Variants in KATNIP observed in about 807,000 individuals in gnomAD.
KATNIP encodes the protein katanin interacting protein, also known as katanin-interacting protein.
A neutral mutation model predicts 174.0 loss-of-function variants in KATNIP; 126 were observed. The ratio of observed to expected loss-of-function variants is 0.72; its 90% CI spans 0.63 to 0.84. The LOEUF (loss-of-function observed/expected upper bound fraction) is 0.84, where lower values mean the gene tolerates loss of function less well. Among genes scored for constraint, KATNIP ranks in the 40% least tolerant of loss-of-function variants. KATNIP has a pLI of 0.00. For synonymous variants in KATNIP, 810 were observed against 835.7 expected (o/e 0.97, Z 0.53); for missense variants, 1,958 against 2,109.7 (o/e 0.93, Z 1.41).
At chr16:27,559,170 T>C (rs2089748949) in intron 1 of KATNIP, among the ~76,000 whole-genome samples, 1 of 152,194 alleles carries the variant, frequency 6.6e-6, no homozygotes, top group Non-Finnish European at 1.5e-5. Context: ...CAGAGCACTT[T>C]ATGTAAAAGT....
intron 8 of KATNIP, among the ~76,000 whole-genome samples, chr16:27,692,772 G>A (rs2078781717): frequency 1.3e-5 from 2 of 152,146 alleles, no homozygotes; most frequent in Non-Finnish European, 2.9e-5. Context: ...TCTGCTTTGT[G>A]ACTACAAGGT....
At chr16:27,766,034 T>C (rs2082109079) in intron 19 of KATNIP, among the ~76,000 whole-genome samples, 1 of 151,758 alleles carries the variant, frequency 6.6e-6, no homozygotes, top group Non-Finnish European at 1.5e-5. Flanking sequence ...TCATTTTCCC[T>C]TTTAAAAAAA....
chr16:27,682,682 G>T (rs1192790152), intron 8 of KATNIP, among the ~76,000 whole-genome samples: 2 of 152,114 alleles, frequency 1.3e-5, no homozygotes, highest in Non-Finnish European at 2.9e-5. Context: ...AGTGATGGGG[G>T]GCCATGGCTT....
intron 8 of KATNIP, among the ~76,000 whole-genome samples, chr16:27,684,339 T>C (rs2078449850): frequency 1.3e-5 from 2 of 152,166 alleles, no homozygotes; most frequent in African/African-American, 2.4e-5. Context: ...ATTACTCCAC[T>C]ATAAGCCCCT....
intron 2 of KATNIP, among the ~76,000 whole-genome samples, chr16:27,581,348 C>G (rs2090690520): frequency 6.6e-6 from 1 of 152,152 alleles, no homozygotes; most frequent in Non-Finnish European, 1.5e-5. Context: ...GGTGTGTGTT[C>G]TATTTAAATT....
chr16:27,723,297 C>T (rs956564035), intron 14 of KATNIP, among the ~76,000 whole-genome samples: 4 of 152,144 alleles, frequency 2.6e-5, no homozygotes, highest in African/African-American at 9.7e-5. Context: ...TCATGCCAGG[C>T]CTTGCCTCTC....
intron 24 of KATNIP, 130 bp downstream of exon 24, chr16:27,775,214 T>A: frequency 8.6e-7 from 1 of 1,162,854 alleles, no homozygotes; most frequent in Non-Finnish European, 1.2e-6. Flanking sequence ...TTGGGAGCTG[T>A]CAGAAAGGTT....
At chr16:27,592,818 T>C (rs1276887480) in intron 2 of KATNIP, among the ~76,000 whole-genome samples, 1 of 152,116 alleles carries the variant, frequency 6.6e-6, no homozygotes, top group Non-Finnish European at 1.5e-5. Flanking sequence ...ACCTCCCAAA[T>C]TGTTGGGATT....
At chr16:27,643,677 G>C (rs1399655411) in intron 5 of KATNIP, among the ~76,000 whole-genome samples, 2 of 151,028 alleles carry the variant, frequency 1.3e-5, no homozygotes, top group Admixed American at 6.6e-5. Context: ...ATGGCACGTA[G>C]TGTGAAAGCG....
At chr16:27,598,861 G>A (rs2075422515) in intron 2 of KATNIP, among the ~76,000 whole-genome samples, 1 of 152,168 alleles carries the variant, frequency 6.6e-6, no homozygotes. Context: ...TGCAGTTCAG[G>A]CTTTGGGGAG....
chr16:27,649,199 C>T lies in KATNIP; in HGVS notation c.540+464C>T, dbSNP rs367549710. 2.0e-4 allele frequency among the ~76,000 whole-genome samples: 31 copies of T among 152,350 alleles called. No individual in the cohort carries two copies. The East Asian group carries it at 5.0e-3, about 25-fold the overall frequency. Reference sequence around the variant, plus strand: ...GTATACATGCACCTGATAAATATTTCGAATACCACCCGCAGGGCGGCAGGA... The same window carrying T: ...GTATACATGCACCTGATAAATATTTTGAATACCACCCGCAGGGCGGCAGGA... On this transcript the variant is annotated intron_variant, in intron 6 of 27. Coordinates refer to ENST00000261588, the MANE Select transcript of KATNIP (RefSeq NM_015202.5).
At chr16:27,660,999 G>A (rs1419812637) in intron 6 of KATNIP, among the ~76,000 whole-genome samples, 1 of 152,166 alleles carries the variant, frequency 6.6e-6, no homozygotes, top group African/African-American at 2.4e-5. Context: ...GAATCAATGA[G>A]TGAGTGGTAT....
chr16:27,682,941 G>A (rs2078402012), intron 8 of KATNIP, among the ~76,000 whole-genome samples: 1 of 152,156 alleles, frequency 6.6e-6, no homozygotes, highest in Non-Finnish European at 1.5e-5. Context: ...ACCATGCACT[G>A]CCTCGAGACT....
At chr16:27,684,122 C>G (rs1472283736) in intron 8 of KATNIP, among the ~76,000 whole-genome samples, 5 of 152,180 alleles carry the variant, frequency 3.3e-5, no homozygotes, top group Non-Finnish European at 1.5e-5. Context: ...AAGCACTGAA[C>G]TAGCTCCCAA....
Position 27,648,638 on chromosome 16 carries a change from G to A in KATNIP, c.443G>A (p.Arg148Gln), listed in dbSNP as rs780195089. ...CAGATCAGAACAGAAGCTGGCCCAC[G>A]GCTCCACATCGAACCTCCTGTGGAC... ...SVQIRTEAGP[R>Q]LHIEPPVDYS... The change falls in exon 6 of 28, where the codon CGG becomes CAG. Residue 148 changes from arginine (R) to glutamine (Q), a missense_variant. This residue lies in a region of KATNIP where 1,557 missense variants were observed against 1,617.8 expected (regional missense o/e 0.96). Coordinates refer to ENST00000261588, the MANE Select transcript of KATNIP (RefSeq NM_015202.5). The A allele has an allele frequency of 5.6e-6, 9 of 1,614,176 alleles. No homozygotes were observed. The African/African-American group carries it at 8.0e-5, about 14-fold the overall frequency.
chr16:27,776,783 A>G lies in KATNIP; in HGVS notation c.4450-145A>G. ...TCAAGATGGGCTTCGAGGAGATGAA[A>G]GGGGGCGGAACTCCAGGCTGGCCCA... On this transcript the variant is annotated intron_variant, in intron 24 of 27. Transcript: ENST00000261588. The surrounding 1 kb of genome is among the most constrained non-coding windows in gnomAD (Gnocchi z 4.7). 1.5e-6 allele frequency: 1 copy of G among 646,984 alleles called. No homozygotes were observed. Among genetic ancestry groups the G allele is most frequent in the Non-Finnish European group, 2.8e-6 (1 of 357,512 alleles). The allele number at this position is 646,984 out of a possible 1,614,324, so 40.1% of individuals were successfully genotyped here.
Position 27,698,253 on chromosome 16 carries a change from T to C in KATNIP, c.941-75T>C, listed in dbSNP as rs558765108. On this transcript the variant is annotated intron_variant, in intron 8 of 27. Transcript: ENST00000261588. Reference sequence around the variant, plus strand: ...AGTTGTTTTATAGAATGTTCCTCAATTGGGGTCTAATGGGTTGTGAGCTGC... The same window carrying C: ...AGTTGTTTTATAGAATGTTCCTCAACTGGGGTCTAATGGGTTGTGAGCTGC... 2.3e-5 allele frequency: 32 copies of C among 1,397,434 alleles called. No homozygotes were observed. In the South Asian group the frequency reaches 2.6e-4, roughly 11 times the overall value. The allele number at this position is 1,397,434 out of a possible 1,614,324, so 86.6% of individuals were successfully genotyped here.
intron 8 of KATNIP, among the ~76,000 whole-genome samples, chr16:27,686,560 T>C (rs749133322): frequency 3.3e-5 from 5 of 152,224 alleles, no homozygotes; most frequent in African/African-American, 4.8e-5. Flanking sequence ...ATGGGAGCAT[T>C]CAGTCCATTT....
chr16:27,552,872 T>C (rs143790753), intron 1 of KATNIP, among the ~76,000 whole-genome samples: 137 of 152,130 alleles, frequency 9.0e-4, no homozygotes, highest in Non-Finnish European at 1.7e-3. Context: ...TTTTGTACTT[T>C]TAGTAGAGAT....
Sources: gnomAD v4.1 joint callset for allele counts (sites outside exome capture counted in the v4.1 genomes callset) on GRCh38, gnomAD v4.1.1 for gene constraint, gnomAD v4.1.1 regional missense constraint, Gnocchi (gnomAD v3.1) non-coding constraint, MANE v1.5 for transcripts, NCBI Gene and HGNC (gene_info 2026-07-23, HGNC 2026-07-21) for gene names.